A2ML1: variants seen among roughly 807,000 people sequenced by gnomAD.
The protein encoded by A2ML1 is alpha-2-macroglobulin like 1.
In A2ML1, 161 loss-of-function variants were observed where a neutral mutation model predicts 181.9. That is an observed-to-expected ratio of 0.89 (90% CI 0.78 to 1.01). The LOEUF is 1.01. Among genes scored for constraint, A2ML1 ranks in the 50% least tolerant of loss-of-function variants. The probability of loss-of-function intolerance (pLI) is 0.00; values close to 1 mark genes in which losing one functional copy is unlikely to be tolerated. For synonymous variants in A2ML1, 663 were observed against 666.8 expected (o/e 0.99, Z 0.09); for missense variants, 1,670 against 1,768.1 (o/e 0.94, Z 1.00).
intron 12 of A2ML1, chr12:8,845,092 A>G (rs1943621854): frequency 6.9e-7 from 1 of 1,445,986 alleles, no homozygotes; most frequent in Non-Finnish European, 9.1e-7. Flanking sequence ...TTATGAGGAT[A>G]GATTTTCGCT....
chr12:8,822,881 C>T (rs1410428372), intron 1 of A2ML1, among the ~76,000 whole-genome samples, 168 bp downstream of exon 1: 1 of 152,118 alleles, frequency 6.6e-6, no homozygotes, highest in African/African-American at 2.4e-5. Context: ...GGGAGGCTGA[C>T]GCATGAAGAG....
chr12:8,876,869 G>A (rs7308209), downstream of A2ML1: 121,532 of 152,132 alleles, frequency 0.8, 48,964 homozygotes, highest in Non-Finnish European at 0.84. Flanking sequence ...AAAACTCACA[G>A]TTTGGTTTCT....
At chr12:8,837,686 C>A (rs998160003) in intron 8 of A2ML1, 120 bp downstream of exon 8, 8 of 1,131,496 alleles carry the variant, frequency 7.1e-6, no homozygotes, top group Middle Eastern at 3.4e-4. Context: ...TTGAGACCAG[C>A]CTGACCAATA....
intron 3 of A2ML1, among the ~76,000 whole-genome samples, chr12:8,829,346 AAGG>A (rs760071315): frequency 1.6e-4 from 24 of 152,264 alleles, no homozygotes; most frequent in Admixed American, 3.9e-4. Flanking sequence ...ATGTGTGAGG[AAGG>A]AGGAGGGATA....
In A2ML1 at chr12:8,850,293, G is replaced by C. The variant is rs1197356857; in HGVS notation, c.2234+19G>C. 1.3e-6 allele frequency: 2 copies of C among 1,585,572 alleles called. No individual in the cohort carries two copies. The highest frequency in any genetic ancestry group is 1.7e-6 in the Non-Finnish European group (2 of 1,163,642). Reference sequence around the variant, plus strand: ...CTATTGGGTAAGTGATGACTCAAAAGTACAGTAAAGGGCCAGGTGCATGGC... The same window carrying C: ...CTATTGGGTAAGTGATGACTCAAAACTACAGTAAAGGGCCAGGTGCATGGC... On this transcript the variant is annotated intron_variant, in intron 18 of 35. Coordinates refer to ENST00000299698, the MANE Select transcript of A2ML1 (RefSeq NM_144670.6).
chr12:8,834,824 C>A, intron 5 of A2ML1, 142 bp downstream of exon 5: 1 of 924,026 alleles, frequency 1.1e-6, no homozygotes, highest in Non-Finnish European at 1.7e-6. Flanking sequence ...CGCCCACATC[C>A]ACCTAAGCTG....
At position 8,832,538 on chromosome 12, in the gene A2ML1, T is replaced by TGTTAGTCTGGCTTACACCAGGAATCC. The variant is rs1943150523; in HGVS notation, c.463-2124_463-2123insGTTAGTCTGGCTTACACCAGGAATCC. ...CACCCAGGAATCCACAAGGACAGCT[T>TGTTAGTCTGGCTTACACCAGGAATCC]ACAAGTTAGAAGCAAGATGGAGTCG... On this transcript the variant is annotated intron_variant, in intron 4 of 35. Coordinates refer to ENST00000299698, the MANE Select transcript of A2ML1 (RefSeq NM_144670.6). Among the ~76,000 whole-genome samples the TGTTAGTCTGGCTTACACCAGGAATCC allele has an allele frequency of 2.6e-5, 4 of 152,334 alleles. No homozygotes were observed. The South Asian group carries it at 8.3e-4, about 32-fold the overall frequency.
At chr12:8,867,026 A>G (rs1197406846) in intron 29 of A2ML1, among the ~76,000 whole-genome samples, 5 of 152,172 alleles carry the variant, frequency 3.3e-5, no homozygotes, top group Non-Finnish European at 5.9e-5. Context: ...TTATTCCCAG[A>G]GAAATAAAAG....
At chr12:8,843,103 C>G in intron 11 of A2ML1, 31 bp from the exon 12 acceptor site, 1 of 1,600,460 alleles carries the variant, frequency 6.2e-7, no homozygotes. Flanking sequence ...GGAGCACATG[C>G]TAAAATTCTC....
In A2ML1 at chr12:8,849,683, A is replaced by G; in HGVS notation, c.2043A>G (p.Lys681=). The G allele has an allele frequency of 6.2e-7, 1 of 1,614,168 alleles. No individual in the cohort carries two copies. The highest frequency in any genetic ancestry group is 8.5e-7 in the Non-Finnish European group (1 of 1,179,992). ...LFSFFRDVGL[K]ILSNAKIKKP... ...ATGCCTATCAGGACGTGGGCCTGAA[A>G]ATACTGTCCAATGCCAAAATCAAGA... is the stretch of plus-strand genomic sequence containing the variant. The change falls in exon 17 of 36, where the codon AAA becomes AAG. Residue 681 remains lysine (K), a synonymous_variant. Coordinates refer to ENST00000299698, the MANE Select transcript of A2ML1 (RefSeq NM_144670.6).
chr12:8,858,262 C>T, intron 26 of A2ML1, 160 bp downstream of exon 26: 3 of 830,672 alleles, frequency 3.6e-6, no homozygotes, highest in Non-Finnish European at 3.6e-6. Flanking sequence ...CTGGTCTGGG[C>T]CTCAGTTTTC....
Position 8,852,230 on chromosome 12 carries a change from A to C in A2ML1, c.2484A>C (p.Lys828Asn). 1 of 1,614,102 alleles carries C rather than the reference A, an allele frequency of 6.2e-7. No individual in the cohort carries two copies. Among genetic ancestry groups the C allele is most frequent in the Non-Finnish European group, 8.5e-7 (1 of 1,180,020 alleles). Residue 828 changes from lysine (K) to asparagine (N), a missense_variant, in exon 20 of 36, where the codon AAA (lysine) becomes AAC (asparagine). Physicochemically the swap from Lys to Asn is moderately conservative, Grantham distance 94 (BLOSUM62 0). Transcript: ENST00000299698. This position sits in a 1 kb window ranked among gnomAD's most constrained non-coding sequence, Gnocchi z 4.2. ...DCIRVQTDLAKSHEYQLESWA... is the reference protein window; with the variant it reads ...DCIRVQTDLANSHEYQLESWA... The stretch of plus-strand genomic sequence containing the variant: ...CGTAGGTTCAGACTGACCTGGCTAA[A>C]TCGCATGAGTACCAGCTAGAATCAT...
rs1943785521 is a variant in A2ML1 at position 8,848,702 on chromosome 12, C to T, written c.1834-18C>T. ...TCACTATATCAATGCTTTATTTCCT[C>T]TCCCCCTCTTGTCCCAGGTCTATGG... On this transcript the variant is annotated intron_variant, in intron 15 of 35. Transcript: ENST00000299698. 6.3e-7 allele frequency: 1 copy of T among 1,575,358 alleles called. No individual in the cohort carries two copies. The highest frequency in any genetic ancestry group is 8.6e-7 in the Non-Finnish European group (1 of 1,160,024).
chr12:8,838,331 A>C lies in A2ML1; in HGVS notation c.856-5A>C. 6.2e-7 allele frequency: 1 copy of C among 1,609,348 alleles called. No individual in the cohort carries two copies. The highest frequency in any genetic ancestry group is 1.1e-5 in the South Asian group (1 of 90,768). Reference sequence around the variant, plus strand: ...CTCTATCTCTGTCTCTGATCACCTCACTAGACTGACAAAACAGGATGTTTC... The same window carrying C: ...CTCTATCTCTGTCTCTGATCACCTCCCTAGACTGACAAAACAGGATGTTTC... On this transcript the variant is annotated splice_region_variant and splice_polypyrimidine_tract_variant and intron_variant, in intron 8 of 35. Coordinates refer to ENST00000299698, the MANE Select transcript of A2ML1 (RefSeq NM_144670.6).
In A2ML1 at chr12:8,855,565, T is replaced by C. The variant is rs1364387346; in HGVS notation, c.2821T>C (p.Ser941Pro). The C allele has an allele frequency of 1.2e-6, 2 of 1,614,194 alleles. No individual in the cohort carries two copies. Among genetic ancestry groups the C allele is most frequent in the Non-Finnish European group, 1.7e-6 (2 of 1,180,026 alleles). Residue 941 changes from serine to proline, a missense_variant, in exon 23 of 36, where the codon TCG becomes CCG. Coordinates refer to ENST00000299698, the MANE Select transcript of A2ML1 (RefSeq NM_144670.6). ...LELPVDIVPD[S>P]TKAYVTVLGD... The stretch of plus-strand genomic sequence containing the variant: ...GCTCCCAGTGGACATTGTTCCTGAC[T>C]CGACCAAGGCTTATGTTACGGTTCT...
intron 14 of A2ML1, 133 bp from the exon 15 acceptor site, chr12:8,847,416 A>C: frequency 1.1e-5 from 13 of 1,132,348 alleles, no homozygotes; most frequent in Non-Finnish European, 1.4e-5. Context: ...CTTTACAAAG[A>C]AAGATAAGTA....
At chr12:8,874,944 A>G (rs1022847263) in intron 34 of A2ML1, 27 bp from the exon 35 acceptor site, 2 of 1,613,078 alleles carry the variant, frequency 1.2e-6, no homozygotes, top group South Asian at 2.2e-5. Context: ...CCCTCAAAGT[A>G]ATAATATGAC....
chr12:8,861,398 T>C (rs1944258721), intron 28 of A2ML1, 101 bp downstream of exon 28: 1 of 1,335,444 alleles, frequency 7.5e-7, no homozygotes, highest in African/African-American at 1.5e-5. Flanking sequence ...TACTCTAGGA[T>C]TCATTTTAGT....
chr12:8,838,600 T>A (rs778270466), intron 9 of A2ML1, 150 bp downstream of exon 9: 2 of 574,946 alleles, frequency 3.5e-6, no homozygotes, highest in African/African-American at 3.8e-5. Context: ...AAATACCAGA[T>A]CCCATCTTGC....
Sources: gnomAD v4.1 joint callset for allele counts (sites outside exome capture counted in the v4.1 genomes callset) on GRCh38, gnomAD v4.1.1 for gene constraint, Gnocchi (gnomAD v3.1) non-coding constraint, MANE v1.5 for transcripts, NCBI Gene and HGNC (gene_info 2026-07-23, HGNC 2026-07-21) for gene names.